TENT2: variants seen among roughly 807,000 people sequenced by gnomAD.
TENT2 encodes terminal nucleotidyltransferase 2.
A neutral mutation model predicts 72.2 loss-of-function variants in TENT2; 44 were observed. That is an observed-to-expected ratio of 0.61 (90% CI 0.48 to 0.78). TENT2 has a LOEUF of 0.78. Ranked by LOEUF, TENT2 falls within the 30% of genes least tolerant of loss-of-function variation. TENT2 has a pLI of 0.00. For synonymous variants in TENT2, 212 were observed against 192.5 expected (o/e 1.10, Z -0.84); for missense variants, 541 against 569.6 (o/e 0.95, Z 0.51).
intron 4 of TENT2, among the ~76,000 whole-genome samples, chr5:79,628,535 G>A (rs1168903840): frequency 1.3e-5 from 2 of 152,156 alleles, no homozygotes; most frequent in Non-Finnish European, 2.9e-5. Flanking sequence ...AAAGATGTGG[G>A]AGATAATGTA....
chr5:79,676,163 T>TACACACACACACACAC (rs59618310), intron 12 of TENT2, among the ~76,000 whole-genome samples: 1 of 147,368 alleles, frequency 6.8e-6, no homozygotes, highest in African/African-American at 2.5e-5. Context: ...TATATATGTA[T>TACACACACACACACAC]ACACACACAC....
At chr5:79,636,792 CA>C (rs1780472587) in intron 4 of TENT2, among the ~76,000 whole-genome samples, 1 of 152,224 alleles carries the variant, frequency 6.6e-6, no homozygotes, top group Admixed American at 6.5e-5. Context: ...TTTCAGTATA[CA>C]AATCCTGCAC....
intron 7 of TENT2, among the ~76,000 whole-genome samples, chr5:79,643,964 C>A (rs1786546869): frequency 6.7e-6 from 1 of 150,324 alleles, no homozygotes; most frequent in African/African-American, 2.5e-5. Flanking sequence ...CTCATAAGTT[C>A]TATTTTGAAG....
chr5:79,681,437 C>T (rs1304593601), intron 13 of TENT2, among the ~76,000 whole-genome samples: 4 of 151,948 alleles, frequency 2.6e-5, no homozygotes, highest in Non-Finnish European at 4.4e-5. Flanking sequence ...GGATTACAGG[C>T]GTGAGCCACT....
chr5:79,642,926 CTCAA>C lies in TENT2; in HGVS notation c.751+17_751+20del. The C allele has an allele frequency of 1.2e-6, 2 of 1,605,760 alleles. No homozygotes were observed. The highest frequency in any genetic ancestry group is 1.7e-6 in the Non-Finnish European group (2 of 1,176,876). On this transcript the variant is annotated intron_variant, in intron 7 of 14. Coordinates refer to ENST00000453514, the MANE Select transcript of TENT2 (RefSeq NM_001114394.3). ...ACTAGACTTTGTAAGTCTGACATGC[CTCAA>C]GTTTGTATGTCACCTGACGTAACTT...
chr5:79,624,709 A>G (rs902319798), intron 4 of TENT2, among the ~76,000 whole-genome samples: 1 of 152,154 alleles, frequency 6.6e-6, no homozygotes, highest in African/African-American at 2.4e-5. Context: ...TTCAAGGTTC[A>G]TCCACGTTGT....
chr5:79,648,832 TA>T (rs1432220129), intron 9 of TENT2, 139 bp downstream of exon 9: 9 of 795,538 alleles, frequency 1.1e-5, no homozygotes, highest in Non-Finnish European at 1.8e-5. Context: ...GTTGCTACAC[TA>T]AAATCATATA....
rs1447294320 is a variant in TENT2, at chr5:79,619,621, T to G, written c.-28T>G. The G allele has an allele frequency of 6.2e-7, 1 of 1,607,168 alleles. No individual in the cohort carries two copies. Among genetic ancestry groups the G allele is most frequent in the Middle Eastern group, 1.7e-4 (1 of 6,044 alleles). On this transcript the variant is annotated 5_prime_UTR_variant, in exon 2 of 15. Coordinates refer to ENST00000453514, the MANE Select transcript of TENT2 (RefSeq NM_001114394.3). ...TTTTAAATTATCCTAGGTAGAAGAA[T>G]ACATGTTCACTTCCAGTGAACAAGA...
intron 4 of TENT2, among the ~76,000 whole-genome samples, chr5:79,634,301 T>C (rs185514557): frequency 2.0e-5 from 3 of 152,102 alleles, no homozygotes; most frequent in Non-Finnish European, 4.4e-5. Context: ...TTAGGAAAAA[T>C]GAACATTCAC....
intron 5 of TENT2, 53 bp from the exon 6 acceptor site, chr5:79,641,051 CA>C: frequency 6.7e-7 from 1 of 1,484,736 alleles, no homozygotes; most frequent in Non-Finnish European, 9.1e-7. Context: ...GGCACAGAAC[CA>C]TGCACCTACT....
At chr5:79,661,689 C>T (rs1044884071) in intron 11 of TENT2, among the ~76,000 whole-genome samples, 1 of 152,174 alleles carries the variant, frequency 6.6e-6, no homozygotes, top group Non-Finnish European at 1.5e-5. Flanking sequence ...CCTTCAGCAC[C>T]AGTTGTGGAG....
chr5:79,646,680 T>C (rs895002723), intron 8 of TENT2, among the ~76,000 whole-genome samples: 1 of 152,138 alleles, frequency 6.6e-6, no homozygotes, highest in Non-Finnish European at 1.5e-5. Flanking sequence ...TATAAGTTTT[T>C]AATAATATAT....
chr5:79,683,397 T>A (rs1001791346), intron 14 of TENT2, among the ~76,000 whole-genome samples: 3 of 152,028 alleles, frequency 2.0e-5, no homozygotes, highest in African/African-American at 7.2e-5. Flanking sequence ...GTGTCTTAGC[T>A]ACTGGGGAGG....
chr5:79,656,558 CT>C, intron 10 of TENT2, among the ~76,000 whole-genome samples: 1 of 151,986 alleles, frequency 6.6e-6, no homozygotes, highest in South Asian at 2.1e-4. Flanking sequence ...TGTCATTGAA[CT>C]GTATTTTTAA....
Position 79,643,153 on chromosome 5 carries a change from T to C in TENT2, c.751+243T>C, listed in dbSNP as rs146402721. Among the ~76,000 whole-genome samples the C allele has an allele frequency of 2.8e-4, 43 of 152,290 alleles. No individual in the cohort carries two copies. The East Asian group carries it at 6.9e-3, about 25-fold the overall frequency. On this transcript the variant is annotated intron_variant, in intron 7 of 14. Transcript: ENST00000453514. Reference sequence around the variant, plus strand: ...CTGCAGTGGGGGGGATTCAAAGATATGTAAGTTTTAGTTCTTTTTCTCAAA... The same window carrying C: ...CTGCAGTGGGGGGGATTCAAAGATACGTAAGTTTTAGTTCTTTTTCTCAAA...
chr5:79,635,499 A>C (rs1235584071), intron 4 of TENT2, among the ~76,000 whole-genome samples: 2 of 152,224 alleles, frequency 1.3e-5, no homozygotes, highest in Non-Finnish European at 2.9e-5. Context: ...TACATTAACA[A>C]GGTCATTCAG....
chr5:79,630,886 T>G (rs1209943424), intron 4 of TENT2, among the ~76,000 whole-genome samples: 1 of 146,928 alleles, frequency 6.8e-6, no homozygotes, highest in Non-Finnish European at 1.5e-5. Context: ...CTATGGAGAG[T>G]AGATTGAAGT....
intron 7 of TENT2, among the ~76,000 whole-genome samples, chr5:79,643,736 A>G (rs935560498): frequency 3.9e-5 from 6 of 152,146 alleles, no homozygotes; most frequent in Admixed American, 6.5e-5. Context: ...TGAATTTTTA[A>G]TAGCTATTTG....
At chr5:79,656,038 GTTA>G (rs1397799106) in intron 10 of TENT2, among the ~76,000 whole-genome samples, 3 of 151,794 alleles carry the variant, frequency 2.0e-5, no homozygotes, top group Admixed American at 6.6e-5. Context: ...AATATGCTTT[GTTA>G]TTGAGTTTAT....
Sources: gnomAD v4.1 joint callset for allele counts (sites outside exome capture counted in the v4.1 genomes callset) on GRCh38, gnomAD v4.1.1 for gene constraint, MANE v1.5 for transcripts, NCBI Gene and HGNC (gene_info 2026-07-23, HGNC 2026-07-21) for gene names.